The following SMAP1 variants were observed in gnomAD, a reference collection of about 807,000 sequenced individuals.
The protein encoded by SMAP1 is small ArfGAP 1.
Under a neutral mutation model 58.5 loss-of-function variants are expected in SMAP1, and 24 were observed. The observed-to-expected ratio is 0.41, with a 90% CI of 0.30 to 0.58. SMAP1 has a LOEUF of 0.58. Among genes scored for constraint, SMAP1 ranks in the 20% least tolerant of loss-of-function variants. The pLI is 0.29. For synonymous variants in SMAP1, 216 were observed against 196.6 expected (o/e 1.10, Z -0.82); for missense variants, 563 against 566.3 (o/e 0.99, Z 0.06).
At chr6:70,686,693 C>T (rs1039779865) in intron 1 of SMAP1, among the ~76,000 whole-genome samples, 7 of 152,126 alleles carry the variant, frequency 4.6e-5, no homozygotes, top group Non-Finnish European at 7.4e-5. Context: ...TATTTGAATA[C>T]AGTATATACG....
At chr6:70,847,490 A>T (rs879834684) in intron 7 of SMAP1, among the ~76,000 whole-genome samples, 4 of 152,234 alleles carry the variant, frequency 2.6e-5, no homozygotes, top group Non-Finnish European at 4.4e-5. Context: ...TGAAGAAAGA[A>T]AATACTTACC....
intron 3 of SMAP1, among the ~76,000 whole-genome samples, chr6:70,770,833 T>TA (rs1418622242): frequency 1.3e-5 from 2 of 152,212 alleles, no homozygotes; most frequent in African/African-American, 4.8e-5. Context: ...CTCTGCTTTT[T>TA]AGAGTTTCCA....
intron 3 of SMAP1, among the ~76,000 whole-genome samples, chr6:70,766,884 A>G (rs1400212218): frequency 1.3e-5 from 2 of 152,164 alleles, no homozygotes; most frequent in African/African-American, 2.4e-5. Context: ...TTTTAGGTCT[A>G]ACATTTAAGT....
chr6:70,668,403 C>A, intron 1 of SMAP1: 1 of 1,011,998 alleles, frequency 9.9e-7, no homozygotes, highest in Non-Finnish European at 1.4e-6. Context: ...TGAGCAGGTG[C>A]CAGGGTAGCG....
At chr6:70,744,367 A>C (rs6455376) in intron 2 of SMAP1, among the ~76,000 whole-genome samples, 125,122 of 151,698 alleles carry the variant, frequency 0.82, 52,315 homozygotes, top group East Asian at 1. Context: ...TGTTCCCCAC[A>C]CTGTGTCCAG....
intron 1 of SMAP1, among the ~76,000 whole-genome samples, chr6:70,702,031 T>C (rs1767649916): frequency 6.6e-6 from 1 of 152,254 alleles, no homozygotes; most frequent in Admixed American, 6.5e-5. Flanking sequence ...TCAGTACTTT[T>C]AAGATATTTT....
chr6:70,734,758 C>G (rs1765559346), intron 2 of SMAP1: 1 of 152,898 alleles, frequency 6.5e-6, no homozygotes. Context: ...TCTTGAAACC[C>G]TGTGACAGGA....
chr6:70,702,910 G>A (rs1185671703), intron 1 of SMAP1, among the ~76,000 whole-genome samples: 1 of 152,052 alleles, frequency 6.6e-6, no homozygotes, highest in African/African-American at 2.4e-5. Context: ...GGGATTACAG[G>A]CATGAGCCAC....
chr6:70,729,459 T>TTTTGTGTGTGTGTG (rs1491434129), intron 1 of SMAP1, among the ~76,000 whole-genome samples: 126 of 128,162 alleles, frequency 9.8e-4, no homozygotes, highest in Non-Finnish European at 1.6e-3. Context: ...AAAAAGAAGG[T>TTTTGTGTGTGTGTG]TGTGTGTGTG....
chr6:70,757,924 A>G (rs1022329276), intron 3 of SMAP1, among the ~76,000 whole-genome samples: 9 of 152,004 alleles, frequency 5.9e-5, no homozygotes, highest in Non-Finnish European at 1.2e-4. Context: ...TGTTGGTGGG[A>G]ATGTAAACTA....
chr6:70,788,984 A>G (rs1768215714), intron 4 of SMAP1, among the ~76,000 whole-genome samples: 1 of 152,172 alleles, frequency 6.6e-6, no homozygotes, highest in African/African-American at 2.4e-5. Context: ...CTAGAGATTT[A>G]GAAAGAAGAC....
intron 8 of SMAP1, chr6:70,856,595 G>T: frequency 3.8e-6 from 1 of 260,796 alleles, no homozygotes; most frequent in Non-Finnish European, 7.2e-6. Flanking sequence ...AAAACTTGGT[G>T]TCACCTTAGG....
intron 1 of SMAP1, among the ~76,000 whole-genome samples, chr6:70,680,441 T>G (rs1279727335): frequency 6.6e-6 from 1 of 152,194 alleles, no homozygotes; most frequent in Non-Finnish European, 1.5e-5. Flanking sequence ...TCAGAATATC[T>G]AAAGAAATAA....
At chr6:70,714,716 AAAAC>A (rs1768193882) in intron 1 of SMAP1, among the ~76,000 whole-genome samples, 1 of 151,856 alleles carries the variant, frequency 6.6e-6, no homozygotes, top group Non-Finnish European at 1.5e-5. Context: ...AAAAACAAAA[AAAAC>A]ATTATGTTGT....
At chr6:70,788,580 CA>C (rs1468547864) in intron 4 of SMAP1, among the ~76,000 whole-genome samples, 2 of 152,000 alleles carry the variant, frequency 1.3e-5, no homozygotes, top group African/African-American at 4.8e-5. Context: ...AGTTTTAACT[CA>C]AAATTAAAGG....
intron 1 of SMAP1, chr6:70,668,397 C>T: frequency 1.0e-5 from 10 of 969,964 alleles, no homozygotes; most frequent in Non-Finnish European, 1.3e-5. Context: ...CGGGTTTGAG[C>T]AGGTGCCAGG....
At chr6:70,842,716 G>A (rs915449995) in intron 7 of SMAP1, among the ~76,000 whole-genome samples, 8 of 152,118 alleles carry the variant, frequency 5.3e-5, no homozygotes, top group East Asian at 1.9e-4. Flanking sequence ...GTTTGGGGCC[G>A]TGCAGTGGTG....
intron 1 of SMAP1, among the ~76,000 whole-genome samples, chr6:70,725,093 G>GATTT: frequency 2.1e-5 from 1 of 47,778 alleles, no homozygotes. Context: ...ATTAACCAGT[G>GATTT]TTTTTTTTTT....
chr6:70,670,239 C>T (rs1281013365), intron 1 of SMAP1, among the ~76,000 whole-genome samples: 1 of 152,094 alleles, frequency 6.6e-6, no homozygotes, highest in Non-Finnish European at 1.5e-5. Flanking sequence ...GCATGAACTC[C>T]ACAGTATAAT....
Sources: allele counts gnomAD v4.1 joint callset (sites outside exome capture counted in the v4.1 genomes callset), GRCh38; gene constraint gnomAD v4.1.1; transcripts MANE v1.5; gene names NCBI Gene and HGNC (gene_info 2026-07-23, HGNC 2026-07-21).